MGAT4A: variants seen among roughly 807,000 people sequenced by gnomAD.
The protein encoded by MGAT4A is alpha-1,3-mannosyl-glycoprotein 4-beta-N-acetylglucosaminyltransferase A.
Under a neutral mutation model 74.1 loss-of-function variants are expected in MGAT4A, and 33 were observed. That is an observed-to-expected ratio of 0.45 (90% CI 0.34 to 0.60). The LOEUF is 0.60. MGAT4A is among the 20% of genes least tolerant of loss of function. MGAT4A has a pLI of 0.02. For synonymous variants in MGAT4A, 198 were observed against 210.4 expected (o/e 0.94, Z 0.51); for missense variants, 479 against 628.3 (o/e 0.76, Z 2.54).
chr2:98,623,236 T>G lies in MGAT4A; in HGVS notation c.*2330A>C, dbSNP rs116991021. The G allele has an allele frequency of 2.7e-4, 267 of 985,352 alleles. 2 individuals carry two copies. The East Asian group carries it at 0.027, about 98-fold the overall frequency. The allele number at this position is 985,352 out of a possible 1,614,324, so 61.0% of individuals were successfully genotyped here. ...GAATGAGTTTCTTGGGAACAACAGGTGGACCAATGCTGGGAGGGCAAACTG... is the reference window on the plus strand; with the variant it reads ...GAATGAGTTTCTTGGGAACAACAGGGGGACCAATGCTGGGAGGGCAAACTG... On this transcript the variant is annotated 3_prime_UTR_variant, in exon 16 of 16. Transcript: ENST00000393487.
intron 4 of MGAT4A, among the ~76,000 whole-genome samples, chr2:98,670,795 A>C (rs1247137220): frequency 3.3e-5 from 5 of 152,064 alleles, no homozygotes; most frequent in African/African-American, 1.2e-4. Flanking sequence ...TTCAAGTCTC[A>C]GTCCTAGGCC....
chr2:98,667,696 T>TTTGTTGTTGTTGTTGTTG (rs142922685), intron 4 of MGAT4A, among the ~76,000 whole-genome samples: 18 of 150,268 alleles, frequency 1.2e-4, no homozygotes, highest in African/African-American at 4.2e-4. Context: ...GCATTCAGTT[T>TTTGTTGTTGTTGTTGTTG]TTGTTGTTGT....
chr2:98,709,098 C>G (rs939326990), intron 2 of MGAT4A, among the ~76,000 whole-genome samples: 1 of 152,172 alleles, frequency 6.6e-6, no homozygotes, highest in African/African-American at 2.4e-5. Flanking sequence ...GGATTAAGTA[C>G]TTTGCTAATT....
chr2:98,690,430 C>T (rs1575270545), intron 2 of MGAT4A, among the ~76,000 whole-genome samples: 1 of 152,176 alleles, frequency 6.6e-6, no homozygotes, highest in African/African-American at 2.4e-5. Context: ...AGGAGGAATC[C>T]CTCCCTGCTG....
chr2:98,683,503 G>A (rs2104295473), intron 2 of MGAT4A, among the ~76,000 whole-genome samples: 1 of 152,196 alleles, frequency 6.6e-6, no homozygotes, highest in South Asian at 2.1e-4. Context: ...GGTGAAATGT[G>A]TAGAGAACTT....
chr2:98,644,728 C>T (rs1052801212), intron 9 of MGAT4A, among the ~76,000 whole-genome samples: 4 of 151,952 alleles, frequency 2.6e-5, no homozygotes, highest in African/African-American at 4.8e-5. Flanking sequence ...CCACCTCCCC[C>T]GTTCAAGCAA....
At chr2:98,678,249 A>AAAATATATAT (rs67023324) in intron 3 of MGAT4A, 55 bp downstream of exon 3, 8 of 263,850 alleles carry the variant, frequency 3.0e-5, no homozygotes, top group South Asian at 2.7e-4. Context: ...AAAAAAAAAA[A>AAAATATATAT]ATATATATAT....
At chr2:98,666,107 T>G (rs1701826080) in intron 4 of MGAT4A, among the ~76,000 whole-genome samples, 1 of 152,098 alleles carries the variant, frequency 6.6e-6, no homozygotes, top group Admixed American at 6.5e-5. Flanking sequence ...GGTTAGGAAG[T>G]TAATGTACTA....
At chr2:98,682,910 C>T (rs986986690) in intron 2 of MGAT4A, among the ~76,000 whole-genome samples, 2 of 151,758 alleles carry the variant, frequency 1.3e-5, no homozygotes, top group African/African-American at 4.8e-5. Context: ...ACGGTGAAAC[C>T]CCCGTCTCTA....
At chr2:98,642,194 A>AAGGGCAAGAGAGAGAGAAGACTGGGG (rs1701420946) in intron 10 of MGAT4A, among the ~76,000 whole-genome samples, 1 of 152,122 alleles carries the variant, frequency 6.6e-6, no homozygotes, top group Non-Finnish European at 1.5e-5. Flanking sequence ...GGGAAGGGCA[A>AAGGGCAAGAGAGAGAGAAGACTGGGG]AGGGCAAGAG....
chr2:98,677,800 A>C (rs919371682), intron 3 of MGAT4A, among the ~76,000 whole-genome samples: 1 of 120,576 alleles, frequency 8.3e-6, no homozygotes, highest in African/African-American at 2.9e-5. Flanking sequence ...GCAGGTAATA[A>C]ATTTTTTTTT....
chr2:98,718,269 G>A (rs1470848865), intron 2 of MGAT4A, among the ~76,000 whole-genome samples: 1 of 152,146 alleles, frequency 6.6e-6, no homozygotes, highest in African/African-American at 2.4e-5. Context: ...GCATCTAATG[G>A]TGTATTAAAT....
rs1269716131 is a variant in MGAT4A at position 98,623,495 on chromosome 2, G to A, written c.*2071C>T. Reference sequence around the variant, plus strand: ...TTGCAGTAATTTAGTATACCAAGCTGGTGCCAAAATTTTATGACAAAAGGT... The same window carrying A: ...TTGCAGTAATTTAGTATACCAAGCTAGTGCCAAAATTTTATGACAAAAGGT... On this transcript the variant is annotated 3_prime_UTR_variant, in exon 16 of 16. Transcript: ENST00000393487. The A allele has an allele frequency of 1.0e-6, 1 of 985,182 alleles. No homozygotes were observed. Among genetic ancestry groups the A allele is most frequent in the African/African-American group, 1.7e-5 (1 of 57,192 alleles). 61.0% of individuals were successfully genotyped at this position (985,182 alleles called of 1,614,324 possible). A position where few individuals can be genotyped will look rare whatever the true frequency, so the allele number is the denominator to read the frequency against.
rs751111404 is a variant in MGAT4A at position 98,623,387 on chromosome 2, G to C, written c.*2179C>G. On this transcript the variant is annotated 3_prime_UTR_variant, in exon 16 of 16. Coordinates refer to ENST00000393487, the MANE Select transcript of MGAT4A (RefSeq NM_012214.3). ...AGCATGGTCTTTCTTCATGAAACCA[G>C]AGTTGGCAACTGAGGAACCAGGGAC... The C allele has an allele frequency of 2.0e-6, 2 of 985,418 alleles. No individual in the cohort carries two copies. The highest frequency in any genetic ancestry group is 2.4e-6 in the Non-Finnish European group (2 of 829,934). The allele number at this position is 985,418 out of a possible 1,614,324, so 61.0% of individuals were successfully genotyped here.
chr2:98,667,952 T>C (rs952515144), intron 4 of MGAT4A, among the ~76,000 whole-genome samples: 6 of 152,118 alleles, frequency 3.9e-5, no homozygotes, highest in Admixed American at 1.3e-4. Context: ...ACTCCTGACC[T>C]TGTGATCCAC....
chr2:98,710,458 GGTT>G (rs112243439), intron 2 of MGAT4A, among the ~76,000 whole-genome samples: 1,600 of 152,190 alleles, frequency 0.011, 21 homozygotes, highest in African/African-American at 0.037. Context: ...TGTCAGTTTG[GGTT>G]GTTGTTGTTT....
chr2:98,621,742 T>A lies in MGAT4A; in HGVS notation c.*3824A>T. On this transcript the variant is annotated 3_prime_UTR_variant, in exon 16 of 16. Transcript: ENST00000393487. ...AAACGTGCTGTTTCCACATAACCAG[T>A]CTTTTCTTTGAGGGACAGCACTGTT... The A allele has an allele frequency of 2.5e-6, 3 of 1,224,314 alleles. No homozygotes were observed. The highest frequency in any genetic ancestry group is 3.1e-6 in the Non-Finnish European group (3 of 980,504). 75.8% of individuals were successfully genotyped at this position (1,224,314 alleles called of 1,614,324 possible). A position where few individuals can be genotyped will look rare whatever the true frequency, so the allele number is the denominator to read the frequency against.
In MGAT4A at chr2:98,624,842, T is replaced by C; in HGVS notation, c.*724A>G. ...AGTAAAGTAACCCTCAGGAAGGACA[T>C]TAGTCTTTAAAATCTTGGCTTTAAG... On this transcript the variant is annotated 3_prime_UTR_variant, in exon 16 of 16. Transcript: ENST00000393487. 7.1e-6 allele frequency: 7 copies of C among 985,532 alleles called. No individual in the cohort carries two copies. The highest frequency in any genetic ancestry group is 8.4e-6 in the Non-Finnish European group (7 of 829,614). The allele number at this position is 985,532 out of a possible 1,614,324, so 61.0% of individuals were successfully genotyped here. A position where few individuals can be genotyped will look rare whatever the true frequency, so the allele number is the denominator to read the frequency against.
intron 7 of MGAT4A, chr2:98,656,050 A>G (rs1701655588): frequency 3.6e-6 from 1 of 281,060 alleles, no homozygotes; most frequent in Non-Finnish European, 6.7e-6. Flanking sequence ...TAAAAAATTC[A>G]TATTTAAATT....
Sources: allele counts gnomAD v4.1 joint callset (sites outside exome capture counted in the v4.1 genomes callset), GRCh38; gene constraint gnomAD v4.1.1; transcripts MANE v1.5; gene names NCBI Gene and HGNC (gene_info 2026-07-23, HGNC 2026-07-21).